NRXN3: variants seen among roughly 807,000 people sequenced by gnomAD.
NRXN3 encodes the protein neurexin 3.
NRXN3 carries 32 observed loss-of-function variants against 137.6 expected under a neutral mutation model. That is an observed-to-expected ratio of 0.23 (90% CI 0.18 to 0.31). NRXN3 has a LOEUF of 0.31. NRXN3 is among the 10% of genes least tolerant of loss of function. NRXN3 has a pLI of 1.00. For synonymous variants in NRXN3, 798 were observed against 784.5 expected, an observed-to-expected ratio of 1.02 and a Z score of -0.29; for missense variants, 1,574 against 2,062.5, an observed-to-expected ratio of 0.76 and a Z score of 4.59.
chr14:79,300,988 T>C (rs2085046159), intron 15 of NRXN3, among the ~76,000 whole-genome samples: 1 of 152,124 alleles, frequency 6.6e-6, no homozygotes, highest in African/African-American at 2.4e-5. Flanking sequence ...TATTGCATTA[T>C]TGAGGAAATT....
chr14:78,403,874 G>T lies in NRXN3; in HGVS notation c.757+106014G>T, dbSNP rs577553270. 98 of 985,396 alleles carry T rather than the reference G, an allele frequency of 9.9e-5. No homozygotes were observed. In the East Asian group the frequency reaches 1.7e-3, roughly 17 times the overall value. The allele number at this position is 985,396 out of a possible 1,614,324, so 61.0% of individuals were successfully genotyped here. ...CCTGCAGTGAAATTAACTCGAGCTT[G>T]GCAGGTAAGTCTTTCGGCTCACCTT... On this transcript the variant is annotated intron_variant, in intron 4 of 20. Transcript: ENST00000335750.
intron 16 of NRXN3, among the ~76,000 whole-genome samples, chr14:79,639,536 C>A (rs1342507563): frequency 6.6e-6 from 1 of 150,970 alleles, no homozygotes; most frequent in Non-Finnish European, 1.5e-5. Context: ...AACTGTTATA[C>A]TAAGACTTTT....
chr14:79,383,127 A>T (rs1481419647), intron 15 of NRXN3, among the ~76,000 whole-genome samples: 1 of 152,110 alleles, frequency 6.6e-6, no homozygotes, highest in Non-Finnish European at 1.5e-5. Context: ...TGAGTAAACA[A>T]CCATTCCCAA....
chr14:78,749,457 C>G (rs535821117), intron 8 of NRXN3, among the ~76,000 whole-genome samples: 3 of 152,148 alleles, frequency 2.0e-5, no homozygotes, highest in Non-Finnish European at 2.9e-5. Context: ...ATAAAAGAAA[C>G]GAGTCCTGCT....
intron 4 of NRXN3, among the ~76,000 whole-genome samples, chr14:78,308,424 T>C (rs900545279): frequency 6.6e-6 from 1 of 152,124 alleles, no homozygotes; most frequent in Non-Finnish European, 1.5e-5. Context: ...GGGTCCCACA[T>C]GCTCTGCAGC....
At chr14:78,246,375 T>G (rs1418291869) in intron 2 of NRXN3, among the ~76,000 whole-genome samples, 1 of 152,226 alleles carries the variant, frequency 6.6e-6, no homozygotes, top group African/African-American at 2.4e-5. Context: ...ATTTTAATAA[T>G]TGTTTTTTTT....
chr14:79,608,034 T>A lies in NRXN3; in HGVS notation c.3445-55744T>A, dbSNP rs80067187. ...GATCCCATAAAAATTATTTCCCTCA[T>A]GGAACCACTCCATTTATGTATTATA... is the stretch of plus-strand genomic sequence containing the variant. On this transcript the variant is annotated intron_variant, in intron 16 of 20. Coordinates refer to ENST00000335750, the MANE Select transcript of NRXN3 (RefSeq NM_001330195.2). 3.5e-3 allele frequency among the ~76,000 whole-genome samples: 533 copies of A among 152,304 alleles called. 1 individual carries two copies. The highest frequency in any genetic ancestry group is 0.012 in the African/African-American group (517 of 41,574).
At position 79,743,165 on chromosome 14, in the gene NRXN3, T is replaced by C. The variant is rs147045472; in HGVS notation, c.4014+45228T>C. ...TTTGTATGTTTCATATTTTCTATAA[T>C]AAAGGTATTTTAAAGGAATATATTT... On this transcript the variant is annotated intron_variant, in intron 19 of 20. Transcript: ENST00000335750. 1.9e-3 allele frequency among the ~76,000 whole-genome samples: 294 copies of C among 152,306 alleles called. 3 individuals carry two copies. Among genetic ancestry groups the C allele is most frequent in the African/African-American group, 6.6e-3 (273 of 41,572 alleles).
chr14:78,205,301 G>C (rs908725022), intron 1 of NRXN3, among the ~76,000 whole-genome samples: 2 of 152,194 alleles, frequency 1.3e-5, no homozygotes, highest in African/African-American at 2.4e-5. Flanking sequence ...ATGGAGGTCT[G>C]GGGGGGATTA....
intron 3 of NRXN3, among the ~76,000 whole-genome samples, chr14:78,293,844 A>G (rs1377714885): frequency 1.3e-5 from 2 of 151,516 alleles, no homozygotes; most frequent in Admixed American, 6.6e-5. Context: ...ATGCATATGT[A>G]TTCATTCCTT....
intron 4 of NRXN3, among the ~76,000 whole-genome samples, chr14:78,443,031 G>T (rs1394479284): frequency 6.6e-6 from 1 of 152,182 alleles, no homozygotes; most frequent in Non-Finnish European, 1.5e-5. Context: ...AGCAGATGTG[G>T]TTGGGCCAAC....
intron 4 of NRXN3, among the ~76,000 whole-genome samples, chr14:78,612,953 G>A (rs2152473629): frequency 6.6e-6 from 1 of 152,266 alleles, no homozygotes; most frequent in Non-Finnish European, 1.5e-5. Context: ...TCCCGTGCAT[G>A]GTTCCTCAAA....
intron 10 of NRXN3, among the ~76,000 whole-genome samples, chr14:78,925,470 G>A (rs2099285312): frequency 6.6e-6 from 1 of 152,050 alleles, no homozygotes; most frequent in African/African-American, 2.4e-5. Flanking sequence ...TGCAAAACTA[G>A]GAAAATAAAA....
chr14:79,350,914 T>A (rs2093175268), intron 15 of NRXN3, among the ~76,000 whole-genome samples: 2 of 152,184 alleles, frequency 1.3e-5, no homozygotes, highest in African/African-American at 4.8e-5. Flanking sequence ...ACACAAAACT[T>A]TTTATAAATG....
intron 16 of NRXN3, among the ~76,000 whole-genome samples, chr14:79,599,132 C>G (rs1352155114): frequency 6.6e-6 from 1 of 152,136 alleles, no homozygotes; most frequent in East Asian, 1.9e-4. Flanking sequence ...CCATCATTTC[C>G]CAACCTCCAA....
rs181336823 is a variant in NRXN3, at chr14:78,852,257, G to A, written c.2275+41913G>A. On this transcript the variant is annotated intron_variant, in intron 10 of 20. Transcript: ENST00000335750. ...ATTGTTAATATGCCAATACCCTGAC[G>A]AAGCAAGCCTGGTATTGGCTGCATG... is the stretch of plus-strand genomic sequence containing the variant. Among the ~76,000 whole-genome samples, 333 of 152,186 alleles carry A rather than the reference G, an allele frequency of 2.2e-3. 1 individual carries two copies. The highest frequency in any genetic ancestry group is 7.0e-3 in the African/African-American group (290 of 41,528).
At chr14:79,246,754 A>T (rs1231598082) in intron 15 of NRXN3, 1 of 152,182 alleles carries the variant, frequency 6.6e-6, no homozygotes, top group Non-Finnish European at 1.5e-5. Context: ...CCCTGCAACA[A>T]GGTTAAAAAC....
chr14:79,291,704 TTATACTGAAAACAG>T (rs1205630771), intron 15 of NRXN3, among the ~76,000 whole-genome samples: 4 of 149,702 alleles, frequency 2.7e-5, no homozygotes, highest in East Asian at 2.0e-4. Context: ...TATACTGAAA[TTATACTGAAAACAG>T]TATACTGAAA....
At chr14:79,474,378 A>G (rs1304370869) in intron 16 of NRXN3, among the ~76,000 whole-genome samples, 1 of 152,154 alleles carries the variant, frequency 6.6e-6, no homozygotes, top group East Asian at 1.9e-4. Flanking sequence ...ACATATATAG[A>G]AGGAAAGTTT....
Sources: gnomAD v4.1 joint callset for allele counts (sites outside exome capture counted in the v4.1 genomes callset) on GRCh38, gnomAD v4.1.1 for gene constraint, MANE v1.5 for transcripts, NCBI Gene and HGNC (gene_info 2026-07-23, HGNC 2026-07-21) for gene names.